The following IQCH variants were observed in gnomAD, a reference collection of about 807,000 sequenced individuals.
The protein encoded by IQCH is IQ motif containing H, also known as IQ domain-containing protein H.
IQCH carries 98 observed loss-of-function variants against 117.0 expected under a neutral mutation model. The ratio of observed to expected loss-of-function variants is 0.84; its 90% CI spans 0.71 to 0.99. IQCH has a LOEUF of 0.99. Ranked by LOEUF, IQCH falls within the 50% of genes least tolerant of loss-of-function variation. The pLI is 0.00. For missense variants in IQCH, 1,102 were observed against 1,243.8 expected, an observed-to-expected ratio of 0.89 and a Z score of 1.72; for synonymous variants, 412 against 448.2, an observed-to-expected ratio of 0.92 and a Z score of 1.02.
At chr15:67,307,715 T>C (rs1967372085) in intron 4 of IQCH, among the ~76,000 whole-genome samples, 1 of 152,104 alleles carries the variant, frequency 6.6e-6, no homozygotes, top group African/African-American at 2.4e-5. Flanking sequence ...AGTGAATTAA[T>C]AAACCTTTCT....
rs1033243716 is a variant in IQCH, at chr15:67,496,276, G to A, written c.2970+1910G>A. On this transcript the variant is annotated intron_variant, in intron 20 of 20. Transcript: ENST00000335894. This position sits in a 1 kb window ranked among gnomAD's most constrained non-coding sequence, Gnocchi z 4.4. ...AGGCTGCAGTGAGTCTGGGTGATGGGAGTAAGAATAAAAAAAAGGAAGATA... is the reference window on the plus strand; with the variant it reads ...AGGCTGCAGTGAGTCTGGGTGATGGAAGTAAGAATAAAAAAAAGGAAGATA... Among the ~76,000 whole-genome samples, 4 of 151,984 alleles carry A rather than the reference G, an allele frequency of 2.6e-5. No individual in the cohort carries two copies. Among genetic ancestry groups the A allele is most frequent in the East Asian group, 1.9e-4 (1 of 5,192 alleles).
intron 6 of IQCH, among the ~76,000 whole-genome samples, chr15:67,347,842 TA>T (rs61195634): frequency 0.46 from 67,492 of 146,274 alleles, 15,965 homozygotes; most frequent in Non-Finnish European, 0.52. Context: ...GATATATAGA[TA>T]TTTTTATATA....
chr15:67,310,342 A>G (rs1967525083), intron 4 of IQCH, among the ~76,000 whole-genome samples: 1 of 152,052 alleles, frequency 6.6e-6, no homozygotes, highest in Admixed American at 6.6e-5. Flanking sequence ...AATTTCCCAT[A>G]AAGGTGTTTT....
chr15:67,345,227 G>A (rs927553136), intron 6 of IQCH, among the ~76,000 whole-genome samples: 1 of 152,122 alleles, frequency 6.6e-6, no homozygotes, highest in Non-Finnish European at 1.5e-5. Context: ...CTGACCTCAG[G>A]TGATCCACCC....
intron 7 of IQCH, among the ~76,000 whole-genome samples, chr15:67,358,044 A>T (rs1351278782): frequency 6.6e-6 from 1 of 150,978 alleles, no homozygotes; most frequent in African/African-American, 2.4e-5. Context: ...TTTTTAGTAG[A>T]GACGGGGTTT....
At chr15:67,483,510 C>G (rs1470879127) in intron 18 of IQCH, among the ~76,000 whole-genome samples, 1 of 152,158 alleles carries the variant, frequency 6.6e-6, no homozygotes, top group Non-Finnish European at 1.5e-5. Context: ...AAGCAAGACT[C>G]CATCTCTAAA....
intron 16 of IQCH, among the ~76,000 whole-genome samples, chr15:67,462,785 GA>G (rs77178438): frequency 3.7e-4 from 55 of 148,506 alleles, no homozygotes; most frequent in Admixed American, 1.1e-3. Flanking sequence ...TAGAAACTCT[GA>G]AAAAAAAAAG....
intron 16 of IQCH, among the ~76,000 whole-genome samples, chr15:67,461,204 C>T (rs1316114846): frequency 2.0e-5 from 3 of 152,114 alleles, no homozygotes; most frequent in Admixed American, 6.5e-5. Context: ...GTTGAAACCC[C>T]GTCCCTACTA....
intron 16 of IQCH, among the ~76,000 whole-genome samples, chr15:67,435,019 G>A (rs1271632999): frequency 7.0e-6 from 1 of 143,392 alleles, no homozygotes; most frequent in Non-Finnish European, 1.5e-5. Flanking sequence ...ATTTTTTTAA[G>A]CTAATTTTTG....
intron 18 of IQCH, among the ~76,000 whole-genome samples, chr15:67,480,891 A>G (rs899979120): frequency 5.3e-5 from 8 of 152,138 alleles, no homozygotes; most frequent in Admixed American, 3.3e-4. Context: ...TTGGCAAGGT[A>G]TTATACAAAA....
intron 3 of IQCH, among the ~76,000 whole-genome samples, chr15:67,278,451 G>T (rs1225986458): frequency 2.6e-5 from 4 of 152,168 alleles, no homozygotes; most frequent in Non-Finnish European, 4.4e-5. Context: ...AAGCGTTCTT[G>T]TCAGTGTAGG....
intron 6 of IQCH, among the ~76,000 whole-genome samples, chr15:67,347,832 GAT>G (rs1969470573): frequency 9.0e-6 from 1 of 110,688 alleles, no homozygotes; most frequent in African/African-American, 3.2e-5. Context: ...TTTATATATA[GAT>G]ATATAGATAT....
intron 16 of IQCH, among the ~76,000 whole-genome samples, chr15:67,428,720 G>A (rs577726159): frequency 9.9e-5 from 15 of 151,984 alleles, no homozygotes; most frequent in African/African-American, 2.9e-4. Context: ...ATGGTGGCAC[G>A]TGCCTGTAAT....
intron 16 of IQCH, among the ~76,000 whole-genome samples, chr15:67,464,425 T>C (rs372420042): frequency 6.6e-6 from 1 of 152,256 alleles, no homozygotes; most frequent in Non-Finnish European, 1.5e-5. Context: ...CATTAACTTA[T>C]AACCAATGTC....
chr15:67,327,138 A>G (rs1439965377), intron 4 of IQCH, among the ~76,000 whole-genome samples: 3 of 152,204 alleles, frequency 2.0e-5, no homozygotes, highest in Non-Finnish European at 4.4e-5. Context: ...TAATTTAGGT[A>G]TATTGTATTA....
chr15:67,332,296 G>T (rs1968699982), intron 4 of IQCH, among the ~76,000 whole-genome samples: 1 of 152,160 alleles, frequency 6.6e-6, no homozygotes, highest in African/African-American at 2.4e-5. Context: ...CAGACATCCA[G>T]ATGAGAAGAA....
In IQCH at chr15:67,373,440, C is replaced by A; in HGVS notation, c.1372+7C>A. 1 of 1,589,154 alleles carries A rather than the reference C, an allele frequency of 6.3e-7. No individual in the cohort carries two copies. The highest frequency in any genetic ancestry group is 8.6e-7 in the Non-Finnish European group (1 of 1,157,568). On this transcript the variant is annotated splice_region_variant and intron_variant, in intron 10 of 20. Transcript: ENST00000335894. ...ATCCATATCCCATCATTAGGTATAA[C>A]ACTTTTGCCTGCAAATCTATCAGCA...
At position 67,416,625 on chromosome 15, in the gene IQCH, C is replaced by T. The variant is rs573104062; in HGVS notation, c.2098-306C>T. Among the ~76,000 whole-genome samples the T allele has an allele frequency of 3.3e-5, 5 of 152,278 alleles. No homozygotes were observed. In the South Asian group the frequency reaches 1.0e-3, roughly 32 times the overall value. On this transcript the variant is annotated intron_variant, in intron 14 of 20. Coordinates refer to ENST00000335894, the MANE Select transcript of IQCH (RefSeq NM_001031715.3). This position sits in a 1 kb window ranked among gnomAD's most constrained non-coding sequence, Gnocchi z 5.1. ...AATGAGAAAAGATATTGCCCAAGGA[C>T]ACTCTGCTGGTCAGGCTGCCAGCTG...
Position 67,425,801 on chromosome 15 carries a change from A to G in IQCH, c.2505+4224A>G, listed in dbSNP as rs1357738424. On this transcript the variant is annotated intron_variant, in intron 16 of 20. Transcript: ENST00000335894. The surrounding 1 kb of genome is among the most constrained non-coding windows in gnomAD (Gnocchi z 5.5). The stretch of plus-strand genomic sequence containing the variant: ...TTTCTGTGGAAAATTTTCTGGTAAA[A>G]TTTTGTGTAGAAATTTCTGGCAATC... Among the ~76,000 whole-genome samples, 4 of 152,090 alleles carry G rather than the reference A, an allele frequency of 2.6e-5. No homozygotes were observed. Among genetic ancestry groups the G allele is most frequent in the Non-Finnish European group, 4.4e-5 (3 of 68,012 alleles).
Sources: allele counts gnomAD v4.1 joint callset (sites outside exome capture counted in the v4.1 genomes callset), GRCh38; gene constraint gnomAD v4.1.1; non-coding constraint Gnocchi (gnomAD v3.1); transcripts MANE v1.5; gene names NCBI Gene and HGNC (gene_info 2026-07-23, HGNC 2026-07-21).